Variants in LAMB1 observed in about 807,000 individuals in gnomAD.
The protein encoded by LAMB1 is laminin subunit beta 1.
In LAMB1, 121 loss-of-function variants were observed where a neutral mutation model predicts 222.3. The observed-to-expected ratio is 0.54, with a 90% CI of 0.47 to 0.63. The LOEUF is 0.63. Among genes scored for constraint, LAMB1 ranks in the 30% least tolerant of loss-of-function variants. The pLI is 0.00. For missense variants in LAMB1, 2,172 were observed against 2,240.8 expected (o/e 0.97, Z 0.62); for synonymous variants, 794 against 807.2 (o/e 0.98, Z 0.28).
Position 107,961,078 on chromosome 7 carries a change from T to C in LAMB1, c.2109+128A>G, listed in dbSNP as rs7788778. 298,149 of 1,000,462 alleles carry C rather than the reference T, an allele frequency of 0.3. 46,990 individuals are homozygous for C. The highest frequency in any genetic ancestry group is 0.32 in the Non-Finnish European group (216,741 of 678,480). 62.0% of individuals were successfully genotyped at this position (1,000,462 alleles called of 1,614,324 possible). ...GGGTGGAGTATAAGCAAAGTAACCG[T>C]GGAGGCAAGAAAGAATGATTCTGCT... On this transcript the variant is annotated intron_variant, in intron 17 of 33. Coordinates refer to ENST00000222399, the MANE Select transcript of LAMB1 (RefSeq NM_002291.3).
intron 9 of LAMB1, 45 bp from the exon 10 acceptor site, chr7:107,975,922 G>T: frequency 6.5e-7 from 1 of 1,538,748 alleles, no homozygotes. Context: ...TAAATCTATG[G>T]ACCAATGGAG....
In LAMB1 at chr7:107,947,983, C is replaced by CTTTTTT. The variant is rs10630521; in HGVS notation, c.3391+3237_3391+3242dup. On this transcript the variant is annotated intron_variant, in intron 24 of 33. Coordinates refer to ENST00000222399, the MANE Select transcript of LAMB1 (RefSeq NM_002291.3). ...CCCCAACATTTTATATCTTCTTCTT[C>CTTTTTT]TTTTTTTTTTTTTTTTTTTGAGACA... 7.0e-3 allele frequency among the ~76,000 whole-genome samples: 816 copies of CTTTTTT among 117,196 alleles called. 30 individuals are homozygous for CTTTTTT. The highest frequency in any genetic ancestry group is 0.025 in the African/African-American group (759 of 30,046). The allele number at this position is 117,196 out of a possible 152,430, so 76.9% of individuals were successfully genotyped here.
intron 22 of LAMB1, among the ~76,000 whole-genome samples, chr7:107,953,143 G>A (rs62467994): frequency 6.6e-6 from 1 of 152,150 alleles, no homozygotes; most frequent in Non-Finnish European, 1.5e-5. Flanking sequence ...GATCACCTGA[G>A]GTCAGGAGTT....
chr7:107,977,642 T>C (rs1481385126), intron 9 of LAMB1, among the ~76,000 whole-genome samples: 1 of 152,076 alleles, frequency 6.6e-6, no homozygotes, highest in East Asian at 1.9e-4. Context: ...ACAAAAAAAA[T>C]TAGCAGGGCA....
At chr7:107,981,957 C>G (rs1186958245) in intron 7 of LAMB1, among the ~76,000 whole-genome samples, 1 of 152,136 alleles carries the variant, frequency 6.6e-6, no homozygotes, top group Non-Finnish European at 1.5e-5. Context: ...TTTTTTGTCC[C>G]AGTTTTACAA....
In LAMB1 at chr7:107,940,024, T is replaced by C; in HGVS notation, c.3726A>G (p.Pro1242=). 11 of 1,614,116 alleles carry C rather than the reference T, an allele frequency of 6.8e-6. No homozygotes were observed. The highest frequency in any genetic ancestry group is 8.5e-6 in the Non-Finnish European group (10 of 1,179,986). Residue 1242 remains proline, a synonymous_variant, in exon 25 of 34, where the codon CCA becomes CCG. Transcript: ENST00000222399. ...DILAQSPAAE[P]LKNIGNLFEE... is the part of the protein sequence containing the mutation. ...CAAAGAGATTCCCAATGTTTTTCAGTGGCTCTGCTGCGGGGCTCTGCGCCA... is the reference window on the plus strand; with the variant it reads ...CAAAGAGATTCCCAATGTTTTTCAGCGGCTCTGCTGCGGGGCTCTGCGCCA...
intron 31 of LAMB1, among the ~76,000 whole-genome samples, chr7:107,928,501 CTT>C (rs111568055): frequency 6.9e-5 from 10 of 144,722 alleles, no homozygotes; most frequent in South Asian, 2.2e-4. Flanking sequence ...AATAGGAGTG[CTT>C]TTTTTTTTTT....
In LAMB1 at chr7:107,940,243, G is replaced by T. The variant is rs1035000951; in HGVS notation, c.3507C>A (p.Tyr1169Ter). The part of the protein sequence containing the change: ...GPRCDKCTRG[Y>*]SGVFPDCTPC... ...GTGTGCAGTCAGGGAAGACCCCCGA[G>T]TACCCTCGCGTGCACTTGTCACAGC... The change falls in exon 25 of 34, where the codon TAC (tyrosine) becomes TAA (stop). Residue 1169 changes from tyrosine to a stop codon, truncating the protein, a stop_gained. Transcript: ENST00000222399. LOFTEE classifies it high-confidence loss of function. The T allele has an allele frequency of 4.3e-6, 7 of 1,614,080 alleles. No individual in the cohort carries two copies. Among genetic ancestry groups the T allele is most frequent in the Non-Finnish European group, 5.9e-6 (7 of 1,180,042 alleles).
At chr7:107,965,737 A>G (rs997673691) in intron 13 of LAMB1, among the ~76,000 whole-genome samples, 1 of 152,132 alleles carries the variant, frequency 6.6e-6, no homozygotes, top group Non-Finnish European at 1.5e-5. Flanking sequence ...TTCTCATCCC[A>G]AAGTTTTAAA....
intron 31 of LAMB1, among the ~76,000 whole-genome samples, chr7:107,928,192 T>C (rs762626001): frequency 6.6e-6 from 1 of 152,238 alleles, no homozygotes; most frequent in Admixed American, 6.5e-5. Flanking sequence ...ATGAGTACTT[T>C]TAATATCTGG....
chr7:107,944,413 G>C (rs1216454366), intron 24 of LAMB1, among the ~76,000 whole-genome samples: 1 of 152,124 alleles, frequency 6.6e-6, no homozygotes, highest in African/African-American at 2.4e-5. Context: ...GCTCTCTCCA[G>C]AAGTCAACAA....
At chr7:107,985,979 AAACAAACT>A in intron 7 of LAMB1, 35 bp downstream of exon 7, 1 of 1,466,516 alleles carries the variant, frequency 6.8e-7, no homozygotes, top group Non-Finnish European at 9.5e-7. Context: ...CAAAACAAAC[AAACAAACT>A]AACAAAAAAC....
In LAMB1 at chr7:107,926,249, G is replaced by A. The variant is rs147490680; in HGVS notation, c.4998C>T (p.Ser1666=). ...EELKRKAAQN[S]GEAEYIEKVV... is the part of the protein sequence containing the mutation. ...CTTTTTCAATATATTCTGCCTCCCCGGAGTTTTGGGCAGCTTTCCGCTTAA... is the reference window on the plus strand; with the variant it reads ...CTTTTTCAATATATTCTGCCTCCCCAGAGTTTTGGGCAGCTTTCCGCTTAA... Residue 1666 remains serine, a synonymous_variant, in exon 32 of 34, where the codon TCC becomes TCT. Transcript: ENST00000222399. 44 of 1,613,780 alleles carry A rather than the reference G, an allele frequency of 2.7e-5. No individual in the cohort carries two copies. In the African/African-American group the frequency reaches 3.3e-4, roughly 12 times the overall value.
At chr7:107,977,686 G>A (rs764095408) in intron 9 of LAMB1, among the ~76,000 whole-genome samples, 8 of 152,136 alleles carry the variant, frequency 5.3e-5, no homozygotes, top group Non-Finnish European at 1.2e-4. Context: ...AGCTACTCCA[G>A]GAGAATCGCT....
rs755975038 is a variant in LAMB1, at chr7:107,959,286, T to G, written c.2653A>C (p.Asn885His). ...TGACCCATGGTGTAGTCCTGGCAGT[T>G]CAAGCACTCCCCAGTCACTGGGTCG... Reference protein sequence around the residue: ...DCDPVTGECLNCQDYTMGHNC... With the variant: ...DCDPVTGECLHCQDYTMGHNC... Residue 885 changes from asparagine to histidine, a missense_variant, in exon 20 of 34, where the codon AAC (asparagine) becomes CAC (histidine). Asn to His is a moderately conservative substitution (Grantham distance 68). Coordinates refer to ENST00000222399, the MANE Select transcript of LAMB1 (RefSeq NM_002291.3). 1 of 1,614,210 alleles carries G rather than the reference T, an allele frequency of 6.2e-7. No homozygotes were observed.
chr7:107,976,795 T>G (rs1193034604), intron 9 of LAMB1, among the ~76,000 whole-genome samples: 1 of 151,862 alleles, frequency 6.6e-6, no homozygotes, highest in African/African-American at 2.4e-5. Flanking sequence ...TTACCTGAAC[T>G]CCCTCCCATC....
Position 107,937,145 on chromosome 7 carries a change from A to G in LAMB1, c.3894T>C (p.Thr1298=), listed in dbSNP as rs144884267. The G allele has an allele frequency of 5.9e-5, 95 of 1,613,850 alleles. No homozygotes were observed. The highest frequency in any genetic ancestry group is 7.6e-5 in the Non-Finnish European group (90 of 1,179,982). Residue 1298 remains threonine, a synonymous_variant, in exon 26 of 34, where the codon ACT becomes ACC. Coordinates refer to ENST00000222399, the MANE Select transcript of LAMB1 (RefSeq NM_002291.3). ...LQTEAESLDN[T]VKELAEQLEF... The stretch of plus-strand genomic sequence containing the variant: ...CCAGTTGTTCAGCAAGTTCTTTCAC[A>G]GTGTTGTCTAGGCTTTCGGCTTCTG...
chr7:107,951,203 A>T (rs747103632), intron 24 of LAMB1, 23 bp downstream of exon 24: 1 of 1,587,452 alleles, frequency 6.3e-7, no homozygotes, highest in Non-Finnish European at 8.7e-7. Flanking sequence ...GATCAAGTCA[A>T]TGCGAGAACG....
chr7:107,994,984 AAAC>A lies in LAMB1; in HGVS notation c.350-27_350-25del, dbSNP rs745738684. On this transcript the variant is annotated intron_variant, in intron 4 of 33. Transcript: ENST00000222399. ...ACCTACAGGAGATTTAAAAAAAATAAAACAATAAATGAAACTGTAAATAGAAAC... is the reference window on the plus strand; with the variant it reads ...ACCTACAGGAGATTTAAAAAAAATAAAATAAATGAAACTGTAAATAGAAAC... The A allele has an allele frequency of 1.0e-5, 14 of 1,346,462 alleles. No homozygotes were observed. In the Admixed American group the frequency reaches 1.6e-4, roughly 16 times the overall value. The allele number at this position is 1,346,462 out of a possible 1,614,324, so 83.4% of individuals were successfully genotyped here. A position where few individuals can be genotyped will look rare whatever the true frequency, so the allele number is the denominator to read the frequency against.
Sources: gnomAD v4.1 joint callset for allele counts (sites outside exome capture counted in the v4.1 genomes callset) on GRCh38, gnomAD v4.1.1 for gene constraint, MANE v1.5 for transcripts, NCBI Gene and HGNC (gene_info 2026-07-23, HGNC 2026-07-21) for gene names.